The following IL1RAPL2 variants were observed in gnomAD, a reference collection of about 807,000 sequenced individuals.
IL1RAPL2 encodes the protein interleukin 1 receptor accessory protein like 2.
IL1RAPL2 carries 3 observed loss-of-function variants against 44.1 expected under a neutral mutation model. The ratio of observed to expected loss-of-function variants is 0.07; its 90% CI spans 0.03 to 0.18. The LOEUF (loss-of-function observed/expected upper bound fraction) is 0.18, where lower values mean the gene tolerates loss of function less well. IL1RAPL2 is among the 10% of genes least tolerant of loss of function. The pLI is 1.00. For missense variants in IL1RAPL2, 391 were observed against 496.4 expected (o/e 0.79, Z 2.02); for synonymous variants, 181 against 178.8 (o/e 1.01, Z -0.10).
intron 2 of IL1RAPL2, among the ~76,000 whole-genome samples, chrX:104,890,679 T>G (rs982094209): frequency 8.9e-6 from 1 of 112,347 alleles, no homozygotes; most frequent in Non-Finnish European, 1.9e-5. Flanking sequence ...TTTGAGTTCT[T>G]TGTAAATTCT....
At chrX:105,566,417 G>A (rs1436369117) in intron 6 of IL1RAPL2, among the ~76,000 whole-genome samples, 1 of 111,336 alleles carries the variant, frequency 9.0e-6, no homozygotes, top group Admixed American at 9.6e-5. Context: ...ACTAATGGGC[G>A]AATGGTATTG....
intron 7 of IL1RAPL2, among the ~76,000 whole-genome samples, chrX:105,740,027 T>A (rs1251369128): frequency 9.6e-6 from 1 of 104,151 alleles, no homozygotes; most frequent in Admixed American, 1.1e-4. Context: ...CCTGACTTTT[T>A]AATGATTGCC....
intron 5 of IL1RAPL2, among the ~76,000 whole-genome samples, chrX:105,391,381 A>G (rs181253218): frequency 9.2e-6 from 1 of 108,989 alleles, no homozygotes; most frequent in Admixed American, 9.9e-5. Flanking sequence ...GCAGCCAAAA[A>G]ACACATGAAA....
intron 3 of IL1RAPL2, among the ~76,000 whole-genome samples, chrX:105,210,523 A>G (rs368245355): frequency 3.0e-4 from 33 of 110,857 alleles, no homozygotes; most frequent in African/African-American, 1.0e-3. Context: ...GTACACTACT[A>G]CTGGGCATCC....
rs758787539 is a variant in IL1RAPL2 at position 105,078,129 on chromosome X, T to A, written c.83-117346T>A. 6.3e-5 allele frequency among the ~76,000 whole-genome samples: 7 copies of A among 111,604 alleles called. No individual in the cohort carries two copies. The East Asian group carries it at 1.4e-3, about 22-fold the overall frequency. Reference sequence around the variant, plus strand: ...GCACTCTGATTTTTAGAGTTTCCAGTTTTTCTGCTCTGTTTTTTCCCCATC... The same window carrying A: ...GCACTCTGATTTTTAGAGTTTCCAGATTTTCTGCTCTGTTTTTTCCCCATC... On this transcript the variant is annotated intron_variant, in intron 2 of 10. Transcript: ENST00000372582.
intron 5 of IL1RAPL2, among the ~76,000 whole-genome samples, chrX:105,337,938 C>T (rs1962983827): frequency 1.8e-5 from 2 of 111,266 alleles, no homozygotes; most frequent in South Asian, 7.6e-4. Context: ...GGAGGTGTTA[C>T]TCTAAAGGGT....
chrX:105,035,289 G>C (rs1437301613), intron 2 of IL1RAPL2, among the ~76,000 whole-genome samples: 1 of 111,697 alleles, frequency 9.0e-6, no homozygotes, highest in Non-Finnish European at 1.9e-5. Context: ...AGATGAACCT[G>C]GTACCTCAGA....
intron 5 of IL1RAPL2, among the ~76,000 whole-genome samples, chrX:105,445,135 C>T (rs777756286): frequency 3.6e-5 from 4 of 111,010 alleles, no homozygotes; most frequent in South Asian, 3.7e-4. Context: ...TTGTATGTGT[C>T]GAGGAATTTA....
At chrX:105,133,538 G>T (rs1051698522) in intron 2 of IL1RAPL2, among the ~76,000 whole-genome samples, 1 of 111,763 alleles carries the variant, frequency 8.9e-6, no homozygotes, top group Admixed American at 9.5e-5. Context: ...AAATGAATTT[G>T]CTCACAGAAC....
In IL1RAPL2 at chrX:105,128,512, A is replaced by G. The variant is rs191365640; in HGVS notation, c.83-66963A>G. Among the ~76,000 whole-genome samples the G allele has an allele frequency of 2.7e-5, 3 of 111,358 alleles. No individual in the cohort carries two copies. The East Asian group carries it at 8.5e-4, about 32-fold the overall frequency. On this transcript the variant is annotated intron_variant, in intron 2 of 10. Coordinates refer to ENST00000372582, the MANE Select transcript of IL1RAPL2 (RefSeq NM_017416.2). ...ACTCTCACTTAATGGTACATTTTGG[A>G]AATTCCTTCAAGTCATTTGGTATGA... is the stretch of plus-strand genomic sequence containing the variant.
chrX:104,879,932 G>A (rs756781307), intron 2 of IL1RAPL2, among the ~76,000 whole-genome samples: 1 of 111,277 alleles, frequency 9.0e-6, no homozygotes, highest in South Asian at 3.8e-4. Flanking sequence ...TTGATTTTCA[G>A]GTAGCCAAGT....
chrX:105,583,449 T>A lies in IL1RAPL2; in HGVS notation c.772+99062T>A, dbSNP rs2037104295. 3.6e-5 allele frequency among the ~76,000 whole-genome samples: 4 copies of A among 112,221 alleles called. No individual in the cohort carries two copies. In the South Asian group the frequency reaches 1.5e-3, roughly 42 times the overall value. ...GCGCCCGGCCAAGAATTCAATTTTT[T>A]AAATTGATGCAAGGATACTCAGGTT... On this transcript the variant is annotated intron_variant, in intron 6 of 10. Transcript: ENST00000372582.
intron 5 of IL1RAPL2, among the ~76,000 whole-genome samples, chrX:105,295,633 G>A (rs938520060): frequency 8.9e-6 from 1 of 111,914 alleles, no homozygotes; most frequent in African/African-American, 3.2e-5. Context: ...AACTTTCAAT[G>A]TGCCTATAGA....
intron 4 of IL1RAPL2, among the ~76,000 whole-genome samples, chrX:105,262,499 A>C (rs1281288101): frequency 8.9e-6 from 1 of 111,971 alleles, no homozygotes; most frequent in East Asian, 2.8e-4. Context: ...ATTACAGGGC[A>C]TTTACATATA....
At chrX:105,330,865 C>G (rs2034980784) in intron 5 of IL1RAPL2, among the ~76,000 whole-genome samples, 1 of 111,341 alleles carries the variant, frequency 9.0e-6, no homozygotes, top group African/African-American at 3.3e-5. Context: ...ACTATCTCCC[C>G]TTTCTAAACA....
chrX:105,245,630 A>G (rs2034212742), intron 4 of IL1RAPL2, among the ~76,000 whole-genome samples: 1 of 112,657 alleles, frequency 8.9e-6, no homozygotes, highest in African/African-American at 3.2e-5. Context: ...CAAATGAGAG[A>G]TAAGGATTCT....
At chrX:105,446,364 T>C (rs1324255941) in intron 5 of IL1RAPL2, among the ~76,000 whole-genome samples, 2 of 111,058 alleles carry the variant, frequency 1.8e-5, no homozygotes, top group African/African-American at 6.5e-5. Context: ...CATCTTTTGA[T>C]TGGAGAGTTT....
intron 5 of IL1RAPL2, among the ~76,000 whole-genome samples, chrX:105,276,869 G>A (rs961437433): frequency 8.9e-6 from 1 of 111,903 alleles, no homozygotes; most frequent in African/African-American, 3.3e-5. Context: ...CTGGAGAGCA[G>A]TTAAAAGACA....
chrX:105,149,983 T>C (rs1002670595), intron 2 of IL1RAPL2, among the ~76,000 whole-genome samples: 1 of 111,206 alleles, frequency 9.0e-6, no homozygotes, highest in Non-Finnish European at 1.9e-5. Flanking sequence ...TTACATGAAT[T>C]TAAATTTTCG....
Sources: gnomAD v4.1 joint callset for allele counts (sites outside exome capture counted in the v4.1 genomes callset) on GRCh38, gnomAD v4.1.1 for gene constraint, MANE v1.5 for transcripts, NCBI Gene and HGNC (gene_info 2026-07-23, HGNC 2026-07-21) for gene names.